The following CASK variants were observed in gnomAD, a reference collection of about 807,000 sequenced individuals.
CASK encodes the protein peripheral plasma membrane protein CASK.
A neutral mutation model predicts 82.9 loss-of-function variants in CASK; 4 were observed. That is an observed-to-expected ratio of 0.05 (90% CI 0.02 to 0.11). The LOEUF (loss-of-function observed/expected upper bound fraction) is 0.11. Among genes scored for constraint, CASK ranks in the 10% least tolerant of loss-of-function variants. The pLI is 1.00. For missense variants in CASK, 358 were observed against 720.9 expected (o/e 0.50, Z 5.76); for synonymous variants, 259 against 253.5 (o/e 1.02, Z -0.20).
chrX:41,589,419 TCC>T, intron 13 of CASK, 94 bp downstream of exon 13: 2 of 586,471 alleles, frequency 3.4e-6, no homozygotes, highest in South Asian at 4.8e-5. Context: ...AAATTGTGAC[TCC>T]AGGGAAACTG....
chrX:41,835,872 G>A (rs780163110), intron 2 of CASK, among the ~76,000 whole-genome samples: 46 of 112,188 alleles, frequency 4.1e-4, no homozygotes, highest in Middle Eastern at 4.6e-3. Flanking sequence ...CAGAATAGCA[G>A]GATCTGATTA....
chrX:41,859,337 A>G (rs1387479564), intron 1 of CASK, among the ~76,000 whole-genome samples: 1 of 112,120 alleles, frequency 8.9e-6, no homozygotes. Context: ...ATTACATTGC[A>G]GAGTGCATGT....
intron 5 of CASK, chrX:41,696,021 G>T: frequency 8.3e-7 from 1 of 1,208,769 alleles, no homozygotes; most frequent in East Asian, 3.0e-5. Flanking sequence ...GTGCAAGGTT[G>T]TGGGAACACT....
intron 3 of CASK, among the ~76,000 whole-genome samples, chrX:41,770,415 T>C (rs895302621): frequency 9.1e-6 from 1 of 110,268 alleles, no homozygotes. Context: ...GCTGGCTATC[T>C]ATCTATTTTT....
At chrX:41,638,940 G>T (rs775388892) in intron 8 of CASK, among the ~76,000 whole-genome samples, 2 of 111,175 alleles carry the variant, frequency 1.8e-5, no homozygotes, top group Non-Finnish European at 3.8e-5. Context: ...GGCTTCTAGT[G>T]TGCCCATCAT....
At chrX:41,722,977 C>A (rs1464221351) in intron 5 of CASK, among the ~76,000 whole-genome samples, 1 of 111,970 alleles carries the variant, frequency 8.9e-6, no homozygotes, top group African/African-American at 3.2e-5. Flanking sequence ...AAAAGCCAAA[C>A]TACTCTGTAA....
At chrX:41,601,488 C>A (rs1346659763) in intron 12 of CASK, among the ~76,000 whole-genome samples, 1 of 111,827 alleles carries the variant, frequency 8.9e-6, no homozygotes, top group South Asian at 3.7e-4. Context: ...CACAACTACA[C>A]GCTGGTTAAT....
At chrX:41,760,033 C>A (rs2068973333) in intron 3 of CASK, among the ~76,000 whole-genome samples, 1 of 111,941 alleles carries the variant, frequency 8.9e-6, no homozygotes, top group African/African-American at 3.2e-5. Flanking sequence ...GATAAGGAAG[C>A]TCCAGCTACA....
intron 1 of CASK, 110 bp downstream of exon 1, chrX:41,922,812 GAGAGGGGA>G: frequency 3.3e-6 from 2 of 612,549 alleles, no homozygotes; most frequent in Non-Finnish European, 2.7e-6. Context: ...TGAGAAGGAC[GAGAGGGGA>G]AGAGGGGAAG....
chrX:41,733,036 C>T lies in CASK; in HGVS notation c.429+6348G>A, dbSNP rs532752109. 2.0e-4 allele frequency among the ~76,000 whole-genome samples: 22 copies of T among 109,305 alleles called. 1 individual carries two copies. In the South Asian group the frequency reaches 8.3e-3, roughly 41 times the overall value. 94.9% of individuals were successfully genotyped at this position (109,305 alleles called of 115,157 possible). A position where few individuals can be genotyped will look rare whatever the true frequency, so the allele number is the denominator to read the frequency against. On this transcript the variant is annotated intron_variant, in intron 5 of 26. Coordinates refer to ENST00000378163, the MANE Select transcript of CASK (RefSeq NM_001367721.1). ...ATATATATAAAAAAAATTAGCTGAG[C>T]GTAGTGGCAGGCGCCTGTAATCTCA...
chrX:41,908,363 A>C (rs1343355752), intron 1 of CASK, among the ~76,000 whole-genome samples: 1 of 112,083 alleles, frequency 8.9e-6, no homozygotes, highest in Non-Finnish European at 1.9e-5. Flanking sequence ...GCGACAGAAC[A>C]AGACTCTGTC....
chrX:41,571,349 T>C (rs1293912095), intron 15 of CASK, among the ~76,000 whole-genome samples: 1 of 112,275 alleles, frequency 8.9e-6, no homozygotes, highest in African/African-American at 3.2e-5. Flanking sequence ...TCAGATAGTA[T>C]AGGGCAATTC....
intron 5 of CASK, among the ~76,000 whole-genome samples, chrX:41,680,927 AT>A (rs2067344835): frequency 8.9e-6 from 1 of 111,737 alleles, no homozygotes; most frequent in East Asian, 2.8e-4. Flanking sequence ...AAAAAAAAAA[AT>A]AAATAAATAA....
intron 5 of CASK, among the ~76,000 whole-genome samples, chrX:41,710,283 G>A (rs769966097): frequency 1.8e-5 from 2 of 111,225 alleles, no homozygotes; most frequent in South Asian, 7.5e-4. Context: ...AACCAAGTTT[G>A]ACTGATTTGA....
intron 3 of CASK, among the ~76,000 whole-genome samples, chrX:41,780,606 T>G (rs2069454585): frequency 8.9e-6 from 1 of 112,048 alleles, no homozygotes; most frequent in African/African-American, 3.2e-5. Flanking sequence ...TGCTTTAAAC[T>G]TATAAACCAT....
chrX:41,760,411 C>T (rs1602582753), intron 3 of CASK, among the ~76,000 whole-genome samples: 1 of 112,132 alleles, frequency 8.9e-6, no homozygotes, highest in Admixed American at 9.5e-5. Context: ...TCTCAGCCCG[C>T]TGTATAACTC....
chrX:41,904,860 G>T (rs2072443376), intron 1 of CASK, among the ~76,000 whole-genome samples: 2 of 111,416 alleles, frequency 1.8e-5, no homozygotes, highest in Non-Finnish European at 3.8e-5. Context: ...TTCTCTTCCT[G>T]TGTTACTTCA....
intron 2 of CASK, among the ~76,000 whole-genome samples, chrX:41,849,305 TG>T (rs1294570466): frequency 1.2e-4 from 13 of 111,957 alleles, no homozygotes; most frequent in African/African-American, 4.2e-4. Context: ...GAATTAATTT[TG>T]ATATCTATTT....
intron 5 of CASK, chrX:41,696,993 C>T: frequency 3.3e-6 from 1 of 299,556 alleles, no homozygotes; most frequent in Non-Finnish European, 6.1e-6. Flanking sequence ...TAAGCTAATA[C>T]TCTTAACATA....
Sources: allele counts gnomAD v4.1 joint callset (sites outside exome capture counted in the v4.1 genomes callset), GRCh38; gene constraint gnomAD v4.1.1; transcripts MANE v1.5; gene names NCBI Gene and HGNC (gene_info 2026-07-23, HGNC 2026-07-21).